PTK7: variants seen among roughly 807,000 people sequenced by gnomAD.
PTK7 encodes protein tyrosine kinase 7 (inactive), also known as inactive tyrosine-protein kinase 7.
PTK7 carries 39 observed loss-of-function variants against 116.6 expected under a neutral mutation model. The ratio of observed to expected loss-of-function variants is 0.33; its 90% CI spans 0.26 to 0.44. PTK7 has a LOEUF of 0.44. PTK7 is among the 20% of genes least tolerant of loss of function. The pLI is 1.00. For synonymous variants in PTK7, 546 were observed against 563.6 expected (o/e 0.97, Z 0.44); for missense variants, 1,169 against 1,425.6 (o/e 0.82, Z 2.90).
At chr6:43,077,577 A>T (rs1229186136) in intron 1 of PTK7, among the ~76,000 whole-genome samples, 1 of 152,110 alleles carries the variant, frequency 6.6e-6, no homozygotes, top group Non-Finnish European at 1.5e-5. Flanking sequence ...GAAAGCACCA[A>T]GCCACCCGCA....
chr6:43,131,254 G>A (rs1179331714), intron 5 of PTK7, among the ~76,000 whole-genome samples: 1 of 152,138 alleles, frequency 6.6e-6, no homozygotes, highest in Admixed American at 6.5e-5. Flanking sequence ...CAGCCCTGAG[G>A]ACATCATCAG....
chr6:43,142,096 C>T lies in PTK7; in HGVS notation c.1919+15C>T, dbSNP rs754687376. On this transcript the variant is annotated intron_variant, in intron 12 of 19. Coordinates refer to ENST00000230419, the MANE Select transcript of PTK7 (RefSeq NM_002821.5). ...CTGGGACCCAGGTAGGGCCACCTCTCTCCCACACCCGTCCCTCCTCTCCTG... is the reference window on the plus strand; with the variant it reads ...CTGGGACCCAGGTAGGGCCACCTCTTTCCCACACCCGTCCCTCCTCTCCTG... 2.0e-5 allele frequency: 32 copies of T among 1,612,284 alleles called. No individual in the cohort carries two copies. The Admixed American group carries it at 5.0e-4, about 25-fold the overall frequency.
At chr6:43,121,976 C>T (rs1328494895) in intron 1 of PTK7, among the ~76,000 whole-genome samples, 1 of 152,114 alleles carries the variant, frequency 6.6e-6, no homozygotes, top group Non-Finnish European at 1.5e-5. Context: ...CCCAATTCTA[C>T]AAAAACAATT....
At chr6:43,149,437 A>G (rs777876962) in intron 17 of PTK7, among the ~76,000 whole-genome samples, 1 of 152,232 alleles carries the variant, frequency 6.6e-6, no homozygotes, top group African/African-American at 2.4e-5. Context: ...TTTGAGAGTG[A>G]GGTCTAAAGA....
intron 1 of PTK7, among the ~76,000 whole-genome samples, chr6:43,083,639 G>GAC (rs1190472620): frequency 6.6e-6 from 1 of 152,186 alleles, no homozygotes; most frequent in African/African-American, 2.4e-5. Flanking sequence ...TCGAAGGGCT[G>GAC]ACACACACAC....
At chr6:43,088,187 T>G (rs1766761794) in intron 1 of PTK7, among the ~76,000 whole-genome samples, 2 of 152,144 alleles carry the variant, frequency 1.3e-5, no homozygotes, top group African/African-American at 4.8e-5. Flanking sequence ...GTGCCTGTGA[T>G]CCCAGCTACT....
At chr6:43,117,292 C>T (rs772670125) in intron 1 of PTK7, among the ~76,000 whole-genome samples, 4 of 152,096 alleles carry the variant, frequency 2.6e-5, no homozygotes, top group South Asian at 2.1e-4. Flanking sequence ...GTATGAACAA[C>T]GAGTAGGAAG....
At chr6:43,117,076 G>A (rs554489843) in intron 1 of PTK7, among the ~76,000 whole-genome samples, 123 of 152,156 alleles carry the variant, frequency 8.1e-4, no homozygotes, top group African/African-American at 2.5e-3. Context: ...TGCCCACTTC[G>A]GCCTCCCAAA....
At chr6:43,080,664 G>A (rs531256205) in intron 1 of PTK7, among the ~76,000 whole-genome samples, 60 of 152,200 alleles carry the variant, frequency 3.9e-4, no homozygotes, top group African/African-American at 1.2e-3. Flanking sequence ...GAAGTAGGCC[G>A]GGTGCAGTGG....
At chr6:43,092,692 G>T (rs764438969) in intron 1 of PTK7, among the ~76,000 whole-genome samples, 5 of 152,174 alleles carry the variant, frequency 3.3e-5, no homozygotes, top group Non-Finnish European at 7.3e-5. Context: ...ATATGTGAAG[G>T]ACTTAGTCTG....
rs770581737 is a variant in PTK7 at position 43,143,455 on chromosome 6, C to A, written c.2086C>A (p.Pro696Thr). ...VPEESEGPGS[P>T]PPYKMIQTIG... ...GGAGGAGTCGGAGGGCCCTGGCAGC[C>A]CTCCCCCCTACAAGATGATCCAGAC... Residue 696 changes from proline to threonine, a missense_variant, in exon 14 of 20, where the codon CCT (proline) becomes ACT (threonine). By Grantham distance (38) the Pro-to-Thr change is conservative. Around this residue, in one of 3 missense-constraint regions of PTK7, gnomAD observed 678 missense variants for 853.8 expected, o/e 0.79. Transcript: ENST00000230419. The surrounding 1 kb of genome is among the most constrained non-coding windows in gnomAD (Gnocchi z 4.2). 1 of 1,614,036 alleles carries A rather than the reference C, an allele frequency of 6.2e-7. No individual in the cohort carries two copies. Among genetic ancestry groups the A allele is most frequent in the Admixed American group, 1.7e-5 (1 of 60,012 alleles).
intron 1 of PTK7, among the ~76,000 whole-genome samples, chr6:43,098,165 A>C (rs942794328): frequency 1.3e-5 from 2 of 150,700 alleles, no homozygotes; most frequent in African/African-American, 4.9e-5. Context: ...TGAGCCCCCA[A>C]CTCCTCCTCA....
intron 17 of PTK7, among the ~76,000 whole-genome samples, chr6:43,153,078 G>A (rs567366811): frequency 2.1e-4 from 32 of 149,842 alleles, no homozygotes; most frequent in Non-Finnish European, 3.4e-4. Context: ...GAGCCACCAC[G>A]CCCGGACTGA....
chr6:43,118,512 G>T (rs972990051), intron 1 of PTK7, among the ~76,000 whole-genome samples: 1 of 151,258 alleles, frequency 6.6e-6, no homozygotes, highest in African/African-American at 2.4e-5. Flanking sequence ...CTCCAGCCTG[G>T]ATGACAGAGT....
intron 1 of PTK7, among the ~76,000 whole-genome samples, chr6:43,125,440 C>G (rs1262412223): frequency 6.6e-6 from 1 of 152,216 alleles, no homozygotes; most frequent in East Asian, 1.9e-4. Flanking sequence ...GCTGGGGTCT[C>G]TCTGAGTCAC....
Position 43,139,636 on chromosome 6 carries a change from C to G in PTK7, c.1618+111C>G. On this transcript the variant is annotated intron_variant, in intron 10 of 19. Coordinates refer to ENST00000230419, the MANE Select transcript of PTK7 (RefSeq NM_002821.5). The surrounding 1 kb of genome is among the most constrained non-coding windows in gnomAD (Gnocchi z 4.6). Reference sequence around the variant, plus strand: ...TGTGCCAGGAAATGTGGAGATTAGACAAGCAGTGCAGGGCTGATGTATAGT... The same window carrying G: ...TGTGCCAGGAAATGTGGAGATTAGAGAAGCAGTGCAGGGCTGATGTATAGT... 1 of 1,499,586 alleles carries G rather than the reference C, an allele frequency of 6.7e-7. No individual in the cohort carries two copies. The highest frequency in any genetic ancestry group is 9.0e-7 in the Non-Finnish European group (1 of 1,111,286). The allele number at this position is 1,499,586 out of a possible 1,614,324, so 92.9% of individuals were successfully genotyped here.
chr6:43,131,824 C>T, intron 5 of PTK7, 192 bp from the exon 6 acceptor site: 1 of 704,410 alleles, frequency 1.4e-6, no homozygotes, highest in Non-Finnish European at 2.4e-6. Flanking sequence ...GGAACACACA[C>T]CTGCACGTGC....
In PTK7 at chr6:43,076,709, G is replaced by A. The variant is rs1766034243; in HGVS notation, c.79+142G>A. 3 of 1,378,410 alleles carry A rather than the reference G, an allele frequency of 2.2e-6. No individual in the cohort carries two copies. The highest frequency in any genetic ancestry group is 2.9e-6 in the Non-Finnish European group (3 of 1,049,364). The allele number at this position is 1,378,410 out of a possible 1,614,324, so 85.4% of individuals were successfully genotyped here. A position where few individuals can be genotyped will look rare whatever the true frequency, so the allele number is the denominator to read the frequency against. On this transcript the variant is annotated intron_variant, in intron 1 of 19. Transcript: ENST00000230419. The surrounding 1 kb of genome is among the most constrained non-coding windows in gnomAD (Gnocchi z 5.7). ...GGCTCGCTGGGGGTGCAGGCTTGCGGCGGAAGGGCGCAAGGAGCCCGGGTG... is the reference window on the plus strand; with the variant it reads ...GGCTCGCTGGGGGTGCAGGCTTGCGACGGAAGGGCGCAAGGAGCCCGGGTG...
At chr6:43,138,070 A>C (rs1770150566) in intron 7 of PTK7, among the ~76,000 whole-genome samples, 1 of 152,178 alleles carries the variant, frequency 6.6e-6, no homozygotes, top group African/African-American at 2.4e-5. Flanking sequence ...TTGCCTCTTA[A>C]AGTGCTGGGA....
Sources: allele counts gnomAD v4.1 joint callset (sites outside exome capture counted in the v4.1 genomes callset), GRCh38; gene constraint gnomAD v4.1.1; regional missense constraint gnomAD v4.1.1; non-coding constraint Gnocchi (gnomAD v3.1); transcripts MANE v1.5; gene names NCBI Gene and HGNC (gene_info 2026-07-23, HGNC 2026-07-21).